The following TTC34 variants were observed in gnomAD, a reference collection of about 807,000 sequenced individuals.
TTC34 encodes the protein tetratricopeptide repeat protein 34.
TTC34 carries 44 observed loss-of-function variants against 40.7 expected under a neutral mutation model. The ratio of observed to expected loss-of-function variants is 1.08; its 90% CI spans 0.85 to 1.39. TTC34 has a LOEUF of 1.39. TTC34 is among the 40% of genes most tolerant of loss of function. The pLI is 0.00. For missense variants in TTC34, 884 were observed against 838.0 expected, an observed-to-expected ratio of 1.05 and a Z score of -0.68; for synonymous variants, 422 against 398.6, an observed-to-expected ratio of 1.06 and a Z score of -0.70.
intron 6 of TTC34, among the ~76,000 whole-genome samples, chr1:2,750,226 C>A (rs1442663685): frequency 1.8e-3 from 235 of 132,040 alleles, no homozygotes; most frequent in Middle Eastern, 4.6e-3. Context: ...ATCTGATGGT[C>A]TGGAGCAGCA....
At chr1:2,773,116 C>T (rs559575315) in intron 6 of TTC34, among the ~76,000 whole-genome samples, 2 of 137,706 alleles carry the variant, frequency 1.5e-5, no homozygotes, top group East Asian at 2.5e-4. Context: ...GAGCATCTGA[C>T]AGCCTGGAGC....
chr1:2,651,264 C>T (rs528316826), intron 6 of TTC34, among the ~76,000 whole-genome samples: 4 of 152,050 alleles, frequency 2.6e-5, no homozygotes, highest in South Asian at 4.2e-4. Context: ...CCTGAAACAG[C>T]ATTCTCCAAT....
At chr1:2,800,213 G>A (rs969165810) in exon 2 of TTC34, 11 of 398,460 alleles carry the variant, frequency 2.8e-5, no homozygotes, top group Admixed American at 4.4e-5. Flanking sequence ...CCTGCTGGCC[G>A]GCACTGTGCC....
chr1:2,643,481 AG>A (rs1468663651), intron 8 of TTC34, among the ~76,000 whole-genome samples: 1 of 152,012 alleles, frequency 6.6e-6, no homozygotes, highest in Non-Finnish European at 1.5e-5. Flanking sequence ...GGCCCCAGCC[AG>A]GCTTCCCGCC....
intron 6 of TTC34, among the ~76,000 whole-genome samples, chr1:2,752,877 C>A (rs1641371031): frequency 5.3e-5 from 8 of 150,470 alleles, no homozygotes; most frequent in African/African-American, 1.2e-4. Context: ...ATCTGATGGC[C>A]TGGAACGGCA....
chr1:2,700,333 C>A lies in TTC34; in HGVS notation c.2227-54770G>T, dbSNP rs574642980. 3.4e-3 allele frequency among the ~76,000 whole-genome samples: 391 copies of A among 113,538 alleles called. 24 individuals are homozygous for A. Among genetic ancestry groups the A allele is most frequent in the African/African-American group, 0.011 (378 of 35,840 alleles). The allele number at this position is 113,538 out of a possible 152,430, so 74.5% of individuals were successfully genotyped here. On this transcript the variant is annotated intron_variant, in intron 6 of 8. Coordinates refer to ENST00000401095, the Ensembl canonical transcript of TTC34. ...CGACAGTCTGGGGCAGCACCCACTCCCGCAGGTGAGCATCCGACAGCCTGG... is the reference window on the plus strand; with the variant it reads ...CGACAGTCTGGGGCAGCACCCACTCACGCAGGTGAGCATCCGACAGCCTGG...
intron 5 of TTC34, 113 bp from the exon 6 acceptor site, chr1:2,783,888 G>T: frequency 9.4e-7 from 1 of 1,064,504 alleles, no homozygotes; most frequent in South Asian, 2.7e-5. Flanking sequence ...GGCCTACCTT[G>T]GGGAGCTCAC....
At chr1:2,658,442 C>CCG (rs1639430277) in intron 6 of TTC34, among the ~76,000 whole-genome samples, 1 of 58,778 alleles carries the variant, frequency 1.7e-5, no homozygotes, top group Non-Finnish European at 4.6e-5. Context: ...GAGCATCCGA[C>CCG]AGCCTGGAGC....
chr1:2,644,204 G>T (rs975818575), intron 8 of TTC34, 60 bp downstream of exon 8: 8 of 1,467,870 alleles, frequency 5.5e-6, no homozygotes, highest in Non-Finnish European at 7.3e-6. Flanking sequence ...GGGCCCGGGG[G>T]TCTCATGCCT....
In TTC34 at chr1:2,645,572, A is replaced by T; in HGVS notation, c.2227-9T>A. 1 of 20,292 alleles carries T rather than the reference A, an allele frequency of 4.9e-5. No homozygotes were observed. Among genetic ancestry groups the T allele is most frequent in the African/African-American group, 6.2e-4 (1 of 1,622 alleles). The allele number at this position is 20,292 out of a possible 1,614,324, so 1.3% of individuals were successfully genotyped here. On this transcript the variant is annotated splice_polypyrimidine_tract_variant and intron_variant, in intron 6 of 8. Coordinates refer to ENST00000401095, the Ensembl canonical transcript of TTC34. The surrounding 1 kb of genome is among the most constrained non-coding windows in gnomAD (Gnocchi z 4.7). ...ATGTCGTCCACGGCTTCCTGCAAGGAGGGAGGGCGGGCGGGTGCAGAGTTG... is the reference window on the plus strand; with the variant it reads ...ATGTCGTCCACGGCTTCCTGCAAGGTGGGAGGGCGGGCGGGTGCAGAGTTG...
intron 6 of TTC34, among the ~76,000 whole-genome samples, chr1:2,658,864 A>C (rs1570769010): frequency 1.1e-4 from 9 of 85,410 alleles, no homozygotes; most frequent in East Asian, 3.0e-4. Flanking sequence ...CAGCATCCAC[A>C]CCCCCAGGTG....
chr1:2,685,106 T>C (rs1202967395), intron 6 of TTC34, among the ~76,000 whole-genome samples: 1 of 21,026 alleles, frequency 4.8e-5, no homozygotes, highest in Non-Finnish European at 9.0e-5. Flanking sequence ...ACAGCTTGGA[T>C]CAGCACCCAC....
At chr1:2,789,590 A>G (rs1274380416) in exon 3 of TTC34, 1 of 1,434,238 alleles carries the variant, frequency 7.0e-7, no homozygotes, top group Admixed American at 2.7e-5. Flanking sequence ...TCGCTGCAGC[A>G]TCCCACGGGC....
At chr1:2,643,392 C>T (rs866944705) in intron 8 of TTC34, among the ~76,000 whole-genome samples, 14 of 152,366 alleles carry the variant, frequency 9.2e-5, no homozygotes, top group Middle Eastern at 6.8e-3. Context: ...CGGAGACCCG[C>T]GTCCAGCCCC....
At chr1:2,752,112 C>G (rs1380360817) in intron 6 of TTC34, among the ~76,000 whole-genome samples, 1 of 110,892 alleles carries the variant, frequency 9.0e-6, no homozygotes, top group Non-Finnish European at 1.8e-5. Flanking sequence ...ATCGGACAGC[C>G]TGGAGCAACA....
At chr1:2,794,759 T>C (rs2100634132) in intron 2 of TTC34, among the ~76,000 whole-genome samples, 1 of 152,330 alleles carries the variant, frequency 6.6e-6, no homozygotes, top group African/African-American at 2.4e-5. Flanking sequence ...TCTTTTTCAA[T>C]TAAGTAAGTT....
chr1:2,645,020 G>A lies in TTC34; in HGVS notation c.2497+273C>T, dbSNP rs1453749047. Among the ~76,000 whole-genome samples, 1 of 152,070 alleles carries A rather than the reference G, an allele frequency of 6.6e-6. No homozygotes were observed. Among genetic ancestry groups the A allele is most frequent in the East Asian group, 1.9e-4 (1 of 5,156 alleles). On this transcript the variant is annotated intron_variant, in intron 7 of 8. Coordinates refer to ENST00000401095, the Ensembl canonical transcript of TTC34. The surrounding 1 kb of genome is among the most constrained non-coding windows in gnomAD (Gnocchi z 4.7). ...TGCATGGATGAATGAGGGGGCTGAG[G>A]GTCCAAGACCTTTCAAAGACCAAGA... is the stretch of plus-strand genomic sequence containing the variant.
chr1:2,686,569 TGAGCATCTGACCGCCTGGAACAG>T, intron 6 of TTC34, among the ~76,000 whole-genome samples: 1 of 139,248 alleles, frequency 7.2e-6, no homozygotes, highest in Non-Finnish European at 1.5e-5. Flanking sequence ...CACACCCAGG[TGAGCATCTGACCGCCTGGAACAG>T]CACACACACC....
intron 6 of TTC34, among the ~76,000 whole-genome samples, chr1:2,783,280 T>C (rs149750196): frequency 6.6e-6 from 1 of 152,152 alleles, no homozygotes; most frequent in Non-Finnish European, 1.5e-5. Flanking sequence ...TGAGGGAACA[T>C]CTCCTGGCCA....
Sources: allele counts gnomAD v4.1 joint callset (sites outside exome capture counted in the v4.1 genomes callset), GRCh38; gene constraint gnomAD v4.1.1; non-coding constraint Gnocchi (gnomAD v3.1); transcripts MANE v1.5; gene names NCBI Gene and HGNC (gene_info 2026-07-23, HGNC 2026-07-21).